The following SDHA variants were observed in gnomAD, a reference collection of about 807,000 sequenced individuals.
The protein encoded by SDHA is succinate dehydrogenase [ubiquinone] flavoprotein subunit, mitochondrial.
A neutral mutation model predicts 78.4 loss-of-function variants in SDHA; 48 were observed. The observed-to-expected ratio is 0.61, with a 90% CI of 0.49 to 0.78. The LOEUF is 0.78. Ranked by LOEUF, SDHA falls within the 30% of genes least tolerant of loss-of-function variation. The pLI, the probability that SDHA is intolerant of heterozygous loss-of-function variation, is 0.00. For synonymous variants in SDHA, 326 were observed against 353.9 expected, an observed-to-expected ratio of 0.92 and a Z score of 0.88; for missense variants, 680 against 892.7, an observed-to-expected ratio of 0.76 and a Z score of 3.04.
chr5:252,759 A>ATTAAATAACGAGTAAGTCACCGTTTCAAG (rs1736932903), intron 13 of SDHA, among the ~76,000 whole-genome samples: 32 of 99,062 alleles, frequency 3.2e-4, no homozygotes, highest in African/African-American at 1.5e-3. Flanking sequence ...ACCGTTTCAT[A>ATTAAATAACGAGTAAGTCACCGTTTCAAG]CCTGCCCTGT....
chr5:259,913 CT>C (rs1737422847), downstream of SDHA, among the ~76,000 whole-genome samples: 1 of 35,658 alleles, frequency 2.8e-5, no homozygotes, highest in Non-Finnish European at 5.0e-5. Flanking sequence ...TGAGCTCCGC[CT>C]CCCGTCAGAG....
rs786205210 is a variant in SDHA, at chr5:240,474, A to G, written c.1549A>G (p.Lys517Glu). Residue 517 changes from lysine (K) to glutamate (E), a missense_variant and splice_region_variant, in exon 11 of 15, where the codon AAG (lysine) becomes GAG (glutamate). Lys to Glu is a moderately conservative substitution (Grantham distance 56). Transcript: ENST00000264932. ...RTSELRLSMQ[K>E]SMQNHAAVFR... is the part of the protein sequence containing the mutation. Reference sequence around the variant, plus strand: ...ATCGGAACTGCGACTCAGCATGCAGAAGGTAAGAGCCTGGACTCGCTCTGG... The same window carrying G: ...ATCGGAACTGCGACTCAGCATGCAGGAGGTAAGAGCCTGGACTCGCTCTGG... The G allele has an allele frequency of 2.5e-6, 4 of 1,593,738 alleles. No homozygotes were observed. Among genetic ancestry groups the G allele is most frequent in the Non-Finnish European group, 3.4e-6 (4 of 1,163,396 alleles).
downstream of SDHA, among the ~76,000 whole-genome samples, chr5:258,895 C>CCTCCCGT (rs1737381832): frequency 2.1e-5 from 1 of 48,234 alleles, no homozygotes; most frequent in Admixed American, 1.9e-4. Context: ...CCGCCCTCCG[C>CCTCCCGT]CAGAGCATTA....
At chr5:244,829 G>A (rs928149925) in intron 11 of SDHA, among the ~76,000 whole-genome samples, 8 of 152,174 alleles carry the variant, frequency 5.3e-5, no homozygotes, top group Non-Finnish European at 1.0e-4. Context: ...TTATTACAAC[G>A]ATGGGGAGCA....
intron 14 of SDHA, among the ~76,000 whole-genome samples, chr5:255,614 T>G (rs1054040940): frequency 1.3e-5 from 2 of 152,062 alleles, no homozygotes; most frequent in Non-Finnish European, 2.9e-5. Flanking sequence ...GGCTAATTTT[T>G]ATATGTTTTG....
chr5:231,055 A>G (rs1246416188), intron 7 of SDHA, 55 bp downstream of exon 7: 12 of 1,595,080 alleles, frequency 7.5e-6, no homozygotes, highest in Non-Finnish European at 9.5e-6. Context: ...TCTTGTAAGC[A>G]TGTGATGCCT....
At chr5:257,925 G>A (rs1459432468), downstream of SDHA, among the ~76,000 whole-genome samples, 1 of 16,932 alleles carries the variant, frequency 5.9e-5, no homozygotes, top group South Asian at 2.3e-3. Context: ...CTCCGCCCCC[G>A]TTAGAGCATT....
At chr5:267,532 G>T in the SDHA span, among the ~76,000 whole-genome samples, 170 of 152,320 alleles carry the variant, frequency 1.1e-3, 1 homozygote, top group African/African-American at 3.8e-3. Flanking sequence ...GGGCCTATAT[G>T]TGCCAAAGAC....
intron 3 of SDHA, 53 bp downstream of exon 3, chr5:224,574 C>G (rs1352535979): frequency 1.3e-6 from 2 of 1,592,120 alleles, no homozygotes; most frequent in Non-Finnish European, 1.7e-6. Context: ...CCCGCGCAGC[C>G]TCGCACTTTC....
chr5:221,928 A>G (rs939987447), intron 1 of SDHA, among the ~76,000 whole-genome samples: 6 of 152,166 alleles, frequency 3.9e-5, no homozygotes, highest in East Asian at 1.9e-4. Context: ...GGTCTTCCAC[A>G]TCAACATCCT....
At chr5:242,974 C>A (rs1671864198) in intron 11 of SDHA, among the ~76,000 whole-genome samples, 1 of 152,168 alleles carries the variant, frequency 6.6e-6, no homozygotes, top group Non-Finnish European at 1.5e-5. Context: ...TGCACCCCCT[C>A]CTTATTTTGA....
intron 3 of SDHA, 45 bp downstream of exon 3, chr5:224,566 C>G (rs373601972): frequency 6.2e-7 from 1 of 1,600,538 alleles, no homozygotes; most frequent in Non-Finnish European, 8.5e-7. Context: ...GTGCAGGTCC[C>G]GCGCAGCCTC....
In SDHA at chr5:236,565, A is replaced by G. The variant is rs878854626; in HGVS notation, c.1398A>G (p.Ala466=). 2 of 1,613,916 alleles carry G rather than the reference A, an allele frequency of 1.2e-6. No individual in the cohort carries two copies. The highest frequency in any genetic ancestry group is 1.7e-5 in the Admixed American group (1 of 59,996). The change falls in exon 10 of 15, where the codon GCA becomes GCG. Residue 466 remains alanine (A), a synonymous_variant. Transcript: ENST00000264932. The part of the protein sequence containing the change: ...SLLDLVVFGR[A]CALSIEESCR... The stretch of plus-strand genomic sequence containing the variant: ...TGGACCTGGTTGTCTTTGGTCGGGC[A>G]TGTGCCCTGAGCATCGAAGAGTCAT...
chr5:230,790 G>T lies in SDHA; in HGVS notation c.771-86G>T, dbSNP rs980486107. The T allele has an allele frequency of 5.8e-6, 9 of 1,563,828 alleles. No individual in the cohort carries two copies. In the African/African-American group the frequency reaches 1.1e-4, roughly 19 times the overall value. ...CAGCACTGAGAAGACGGTGCTGGGG[G>T]CTGCCGTGTCCATTCTGTGATCTCA... is the stretch of plus-strand genomic sequence containing the variant. On this transcript the variant is annotated intron_variant, in intron 6 of 14. Transcript: ENST00000264932.
At position 248,246 on chromosome 5, in the gene SDHA, A is replaced by AC. The variant is rs200336111; in HGVS notation, c.1552-2742dup. On this transcript the variant is annotated intron_variant, in intron 11 of 14. Transcript: ENST00000264932. The stretch of plus-strand genomic sequence containing the variant: ...AAGAGATTCTGGGAGGATCCCGAGG[A>AC]CCCCTCGGTTGCAGCCATGTCAAGA... Among the ~76,000 whole-genome samples the AC allele has an allele frequency of 2.0e-3, 294 of 148,766 alleles. 1 individual carries two copies. Among genetic ancestry groups the AC allele is most frequent in the Middle Eastern group, 3.8e-3 (1 of 266 alleles).
chr5:219,844 C>T (rs149493443), intron 1 of SDHA, among the ~76,000 whole-genome samples: 3 of 152,184 alleles, frequency 2.0e-5, no homozygotes, highest in Non-Finnish European at 2.9e-5. Flanking sequence ...GCACCTCAGA[C>T]GGGATGGCAA....
At chr5:262,188 CCGCCAGAGCATTACCG>C in the SDHA span, among the ~76,000 whole-genome samples, 3 of 119,496 alleles carry the variant, frequency 2.5e-5, no homozygotes, top group Non-Finnish European at 5.1e-5. Flanking sequence ...GCTCCGCCTC[CCGCCAGAGCATTACCG>C]TGTGAGCTCC....
At chr5:266,804 A>G in the SDHA span, among the ~76,000 whole-genome samples, 1 of 152,184 alleles carries the variant, frequency 6.6e-6, no homozygotes, top group South Asian at 2.1e-4. Context: ...CGTCCCGTGC[A>G]GTAGACACGG....
chr5:242,151 T>C (rs1473674539), intron 11 of SDHA, among the ~76,000 whole-genome samples: 1 of 152,208 alleles, frequency 6.6e-6, no homozygotes, highest in Non-Finnish European at 1.5e-5. Flanking sequence ...CTGCTGAGTC[T>C]GGCTATTCAT....
Sources: gnomAD v4.1 joint callset for allele counts (sites outside exome capture counted in the v4.1 genomes callset) on GRCh38, gnomAD v4.1.1 for gene constraint, MANE v1.5 for transcripts, NCBI Gene and HGNC (gene_info 2026-07-23, HGNC 2026-07-21) for gene names.